ADGRB3: variants seen among roughly 807,000 people sequenced by gnomAD.
The protein encoded by ADGRB3 is brain-specific angiogenesis inhibitor 3.
Under a neutral mutation model 193.4 loss-of-function variants are expected in ADGRB3, and 37 were observed. The ratio of observed to expected loss-of-function variants is 0.19; its 90% CI spans 0.15 to 0.25. The LOEUF (loss-of-function observed/expected upper bound fraction) is 0.25, where lower values mean the gene tolerates loss of function less well. ADGRB3 is among the 10% of genes least tolerant of loss of function. The probability of loss-of-function intolerance (pLI) is 1.00; values close to 1 mark genes in which losing one functional copy is unlikely to be tolerated. For missense variants in ADGRB3, 1,637 were observed against 1,852.9 expected (o/e 0.88, Z 2.14); for synonymous variants, 690 against 644.2 (o/e 1.07, Z -1.08).
At chr6:68,680,357 C>T (rs550494699) in intron 3 of ADGRB3, among the ~76,000 whole-genome samples, 5 of 151,802 alleles carry the variant, frequency 3.3e-5, no homozygotes, top group South Asian at 2.1e-4. Flanking sequence ...AAAATAGATC[C>T]GTACAAAGTA....
intron 10 of ADGRB3, among the ~76,000 whole-genome samples, chr6:68,987,028 A>G (rs1052320619): frequency 1.5e-4 from 23 of 151,996 alleles, no homozygotes; most frequent in African/African-American, 5.6e-4. Context: ...CTATTTTTAG[A>G]CTCATTTTTC....
At chr6:69,198,911 A>G (rs541972972) in intron 17 of ADGRB3, among the ~76,000 whole-genome samples, 3 of 152,266 alleles carry the variant, frequency 2.0e-5, no homozygotes, top group East Asian at 3.9e-4. Flanking sequence ...CAAAATCCAA[A>G]AGAAATCTGA....
intron 20 of ADGRB3, among the ~76,000 whole-genome samples, chr6:69,275,657 C>T (rs1027737451): frequency 6.6e-6 from 1 of 151,630 alleles, no homozygotes; most frequent in Non-Finnish European, 1.5e-5. Context: ...GTTATTGCAT[C>T]ATTTTTTAAA....
At chr6:69,336,258 T>C (rs1768845221) in intron 24 of ADGRB3, among the ~76,000 whole-genome samples, 1 of 151,996 alleles carries the variant, frequency 6.6e-6, no homozygotes, top group Non-Finnish European at 1.5e-5. Context: ...AAAAATGGCA[T>C]GTATATTTTT....
intron 3 of ADGRB3, among the ~76,000 whole-genome samples, chr6:68,671,230 T>C (rs1001897126): frequency 2.6e-5 from 4 of 152,014 alleles, no homozygotes; most frequent in Admixed American, 6.6e-5. Context: ...CCCTTTCCAA[T>C]TTGGATGTCC....
At chr6:69,099,670 T>C (rs1308640767) in intron 17 of ADGRB3, among the ~76,000 whole-genome samples, 1 of 152,200 alleles carries the variant, frequency 6.6e-6, no homozygotes, top group East Asian at 1.9e-4. Context: ...ATAAACACTC[T>C]GAATACATTT....
chr6:69,233,165 AT>A lies in ADGRB3; in HGVS notation c.2481-116del, dbSNP rs142952089. On this transcript the variant is annotated intron_variant, in intron 17 of 31. Transcript: ENST00000370598. ...TTACATCCTGTTCAACAACAAGTAG[AT>A]TTTTTTTTCCTGTACAGGAATTACA... 271 of 1,277,600 alleles carry A rather than the reference AT, an allele frequency of 2.1e-4. 3 individuals are homozygous for A. Among genetic ancestry groups the A allele is most frequent in the South Asian group, 9.8e-4 (67 of 68,610 alleles). The allele number at this position is 1,277,600 out of a possible 1,614,324, so 79.1% of individuals were successfully genotyped here. A position where few individuals can be genotyped will look rare whatever the true frequency, so the allele number is the denominator to read the frequency against.
chr6:68,638,581 G>T (rs780768228), intron 2 of ADGRB3, 80 bp from the exon 3 acceptor site: 305 of 1,344,472 alleles, frequency 2.3e-4, no homozygotes, highest in Non-Finnish European at 2.8e-4. Flanking sequence ...AAAACAGCTG[G>T]CTGTAATATT....
intron 3 of ADGRB3, among the ~76,000 whole-genome samples, chr6:68,681,662 G>A (rs188635413): frequency 6.6e-6 from 1 of 152,022 alleles, no homozygotes; most frequent in Non-Finnish European, 1.5e-5. Context: ...TCCAGGATTA[G>A]ATAACTAGAC....
At chr6:68,887,965 A>G (rs1480642998) in intron 3 of ADGRB3, among the ~76,000 whole-genome samples, 1 of 152,152 alleles carries the variant, frequency 6.6e-6, no homozygotes, top group Non-Finnish European at 1.5e-5. Flanking sequence ...CTGAGTTTTC[A>G]CCCTTCTCAT....
At chr6:69,368,284 G>A (rs1769626407) in intron 29 of ADGRB3, among the ~76,000 whole-genome samples, 1 of 152,134 alleles carries the variant, frequency 6.6e-6, no homozygotes, top group South Asian at 2.1e-4. Flanking sequence ...CAGAAAGTTG[G>A]ATAACAGTCA....
intron 1 of ADGRB3, among the ~76,000 whole-genome samples, chr6:68,636,246 G>A (rs1455013259): frequency 6.6e-6 from 1 of 152,098 alleles, no homozygotes; most frequent in African/African-American, 2.4e-5. Flanking sequence ...AAATCTGGCA[G>A]TTTTGTGTGA....
At chr6:69,027,086 T>A in intron 13 of ADGRB3, among the ~76,000 whole-genome samples, 1 of 152,204 alleles carries the variant, frequency 6.6e-6, no homozygotes, top group East Asian at 1.9e-4. Flanking sequence ...AACTTTTTTT[T>A]AACTTTTGGA....
intron 3 of ADGRB3, among the ~76,000 whole-genome samples, chr6:68,723,900 G>T (rs116464333): frequency 6.6e-6 from 1 of 151,526 alleles, no homozygotes; most frequent in Non-Finnish European, 1.5e-5. Flanking sequence ...TAAGAGGTTT[G>T]TACTGACATC....
rs80174625 is a variant in ADGRB3 at position 68,926,367 on chromosome 6, G to T, written c.758-4192G>T. On this transcript the variant is annotated intron_variant, in intron 3 of 31. Coordinates refer to ENST00000370598, the MANE Select transcript of ADGRB3 (RefSeq NM_001704.3). ...CAGAGGTTGTTTATGTTTAGTTAATGAGGAGACAGTTCATGGAGGTGGTGC... is the reference window on the plus strand; with the variant it reads ...CAGAGGTTGTTTATGTTTAGTTAATTAGGAGACAGTTCATGGAGGTGGTGC... Among the ~76,000 whole-genome samples, 1,500 of 152,252 alleles carry T rather than the reference G, an allele frequency of 9.9e-3. 23 individuals are homozygous for T. The highest frequency in any genetic ancestry group is 0.034 in the African/African-American group (1,424 of 41,564).
intron 3 of ADGRB3, among the ~76,000 whole-genome samples, chr6:68,645,541 C>A (rs983119005): frequency 1.3e-5 from 2 of 152,106 alleles, no homozygotes; most frequent in African/African-American, 2.4e-5. Context: ...CACTTAGTAG[C>A]ACCTTTGACA....
At chr6:68,940,676 G>A (rs1459039226) in intron 5 of ADGRB3, among the ~76,000 whole-genome samples, 1 of 151,434 alleles carries the variant, frequency 6.6e-6, no homozygotes, top group African/African-American at 2.4e-5. Flanking sequence ...GAGGCAGGAG[G>A]ATCACCTGAA....
intron 16 of ADGRB3, among the ~76,000 whole-genome samples, chr6:69,070,336 G>T (rs1180588487): frequency 1.3e-5 from 2 of 152,020 alleles, no homozygotes; most frequent in Non-Finnish European, 2.9e-5. Context: ...AATTGTATTT[G>T]TAGTTTACAA....
rs748929966 is a variant in ADGRB3, at chr6:69,360,902, C to T, written c.3629C>T (p.Ala1210Val). Residue 1210 changes from alanine to valine, a missense_variant, in exon 29 of 32, where the codon GCC becomes GTC. By Grantham distance (64) the Ala-to-Val change is moderately conservative. Coordinates refer to ENST00000370598, the MANE Select transcript of ADGRB3 (RefSeq NM_001704.3). ...AAGGATATTGGTCCTTGCCGAGCAG[C>T]CACAATAACAGGAACACTTTCTAGG... ...LHKDIGPCRAATITGTLSRIS... is the reference protein window; with the variant it reads ...LHKDIGPCRAVTITGTLSRIS... 1.2e-6 allele frequency: 2 copies of T among 1,610,540 alleles called. No individual in the cohort carries two copies. The highest frequency in any genetic ancestry group is 1.7e-6 in the Non-Finnish European group (2 of 1,178,016).
Sources: allele counts gnomAD v4.1 joint callset (sites outside exome capture counted in the v4.1 genomes callset), GRCh38; gene constraint gnomAD v4.1.1; transcripts MANE v1.5; gene names NCBI Gene and HGNC (gene_info 2026-07-23, HGNC 2026-07-21).